The following KISS1 variants were observed in gnomAD, a reference collection of about 807,000 sequenced individuals.
KISS1 encodes metastasis-suppressor KiSS-1.
For missense variants in KISS1, 182 were observed against 182.7 expected (o/e 1.00, Z 0.02); for synonymous variants, 97 against 88.7 (o/e 1.09, Z -0.52).
chr1:204,195,504 A>G (rs1439101748), intron 1 of KISS1, among the ~76,000 whole-genome samples: 1 of 149,852 alleles, frequency 6.7e-6, no homozygotes, highest in Non-Finnish European at 1.5e-5. Flanking sequence ...ACACACACAT[A>G]CACCACACAT....
chr1:204,196,114 G>A (rs986590416), intron 1 of KISS1, among the ~76,000 whole-genome samples: 5 of 152,204 alleles, frequency 3.3e-5, no homozygotes, highest in Non-Finnish European at 7.3e-5. Flanking sequence ...TTTATTGCAT[G>A]TATTCCTTCC....
chr1:204,193,621 A>G (rs1571666477), intron 1 of KISS1, among the ~76,000 whole-genome samples: 1 of 152,276 alleles, frequency 6.6e-6, no homozygotes, highest in East Asian at 1.9e-4. Flanking sequence ...CTTATTGCCT[A>G]TCATTCATGG....
rs1020165754 is a variant in KISS1 at position 204,190,348 on chromosome 1, C to G, written c.*136G>C. 2.4e-5 allele frequency: 22 copies of G among 930,328 alleles called. No homozygotes were observed. Among genetic ancestry groups the G allele is most frequent in the Middle Eastern group, 3.1e-4 (1 of 3,196 alleles). The allele number at this position is 930,328 out of a possible 1,614,324, so 57.6% of individuals were successfully genotyped here. On this transcript the variant is annotated 3_prime_UTR_variant, in exon 3 of 3. Transcript: ENST00000367194. ...CCGCAGACCACACGTCAGTGAGTTA[C>G]GCAACATTTCTTTTATTGCCTCGGG...
intron 2 of KISS1, 133 bp from the exon 3 acceptor site, chr1:204,190,930 C>A: frequency 1.4e-6 from 1 of 707,304 alleles, no homozygotes; most frequent in Non-Finnish European, 2.4e-6. Flanking sequence ...GCCATGCGAA[C>A]CAGCACGATC....
chr1:204,195,216 C>CAT (rs1658818914), intron 1 of KISS1, among the ~76,000 whole-genome samples: 1 of 8,288 alleles, frequency 1.2e-4, no homozygotes, highest in African/African-American at 5.2e-4. Context: ...TATATACGCA[C>CAT]ACACCCATAC....
In KISS1 at chr1:204,192,395, T is replaced by TG. The variant is rs1218424138; in HGVS notation, c.103+378_103+379insC. 1.3e-5 allele frequency among the ~76,000 whole-genome samples: 2 copies of TG among 151,676 alleles called. No homozygotes were observed. Among genetic ancestry groups the TG allele is most frequent in the South Asian group, 2.1e-4 (1 of 4,796 alleles). ...AAATATCTGCCCTTTGGTTTAGGTTTTTTTTTTTTTCCAAATTCTCCACAA... is the reference window on the plus strand; with the variant it reads ...AAATATCTGCCCTTTGGTTTAGGTTTGTTTTTTTTTTCCAAATTCTCCACAA... On this transcript the variant is annotated intron_variant, in intron 2 of 2. Coordinates refer to ENST00000367194, the MANE Select transcript of KISS1 (RefSeq NM_002256.4). This position sits in a 1 kb window ranked among gnomAD's most constrained non-coding sequence, Gnocchi z 4.2.
intron 2 of KISS1, 78 bp from the exon 3 acceptor site, chr1:204,190,875 A>G (rs1658732297): frequency 3.2e-6 from 4 of 1,251,178 alleles, no homozygotes; most frequent in Non-Finnish European, 4.5e-6. Flanking sequence ...ATCCCATCCT[A>G]TCCTTCTTTT....
Position 204,190,588 on chromosome 1 carries a change from G to T in KISS1, c.313C>A (p.Arg105=). ...TTGTAGTTCGGCAGGTCCTTCTCCC[G>T]CTGCACCAGCACCGCGCCCTGGGGT... is the stretch of plus-strand genomic sequence containing the variant. The part of the protein sequence containing the change: ...PAPQGAVLVQ[R]EKDLPNYNWN... The change falls in exon 3 of 3, where the codon CGG becomes AGG. Residue 105 remains arginine (R), a synonymous_variant. Coordinates refer to ENST00000367194, the MANE Select transcript of KISS1 (RefSeq NM_002256.4). The T allele has an allele frequency of 6.3e-7, 1 of 1,599,588 alleles. No individual in the cohort carries two copies. Among genetic ancestry groups the T allele is most frequent in the Non-Finnish European group, 8.5e-7 (1 of 1,173,564 alleles).
intron 1 of KISS1, among the ~76,000 whole-genome samples, chr1:204,195,291 CACATACACCCATACACACACATACACAT>C (rs1658829039): frequency 4.9e-5 from 6 of 123,068 alleles, no homozygotes; most frequent in South Asian, 5.6e-4. Context: ...ACACACCACA[CACATACACCCATACACACACATACACAT>C]ATGCCACACA....
chr1:204,195,212 C>CACCACACACACCACACAT (rs1558254567), intron 1 of KISS1, among the ~76,000 whole-genome samples: 1 of 1,608 alleles, frequency 6.2e-4, no homozygotes, highest in Non-Finnish European at 1.3e-3. Flanking sequence ...CACATATATA[C>CACCACACACACCACACAT]GCACACACCC....
intron 1 of KISS1, among the ~76,000 whole-genome samples, chr1:204,194,869 G>C (rs1353903562): frequency 6.6e-6 from 1 of 152,104 alleles, no homozygotes; most frequent in African/African-American, 2.4e-5. Flanking sequence ...TTTGCATGGA[G>C]AGAAAGCTAG....
Position 204,190,356 on chromosome 1 carries a change from T to C in KISS1, c.*128A>G, listed in dbSNP as rs977417086. On this transcript the variant is annotated 3_prime_UTR_variant, in exon 3 of 3. Coordinates refer to ENST00000367194, the MANE Select transcript of KISS1 (RefSeq NM_002256.4). ...CACACGTCAGTGAGTTACGCAACATTTCTTTTATTGCCTCGGGTTGGAAGC... is the reference window on the plus strand; with the variant it reads ...CACACGTCAGTGAGTTACGCAACATCTCTTTTATTGCCTCGGGTTGGAAGC... The C allele has an allele frequency of 3.0e-6, 3 of 1,005,962 alleles. No individual in the cohort carries two copies. The African/African-American group carries it at 4.8e-5, about 16-fold the overall frequency. The allele number at this position is 1,005,962 out of a possible 1,614,324, so 62.3% of individuals were successfully genotyped here.
rs945422971 is a variant in KISS1 at position 204,190,483 on chromosome 1, C to T, written c.*1G>A. The T allele has an allele frequency of 1.2e-6, 2 of 1,601,574 alleles. No individual in the cohort carries two copies. Among genetic ancestry groups the T allele is most frequent in the Non-Finnish European group, 1.7e-6 (2 of 1,176,212 alleles). ...AAGTTCACTGCCCCGCACCTGCGCC[C>T]TCAGCCCCGCCCAGCGCTTCTGCCG... On this transcript the variant is annotated 3_prime_UTR_variant, in exon 3 of 3. Transcript: ENST00000367194.
rs574120347 is a variant in KISS1, at chr1:204,192,001, G to A, written c.103+773C>T. ...CGCTTGGCAAACGACACCCGGGGCC[G>A]TGTCCTCTGTGCTCTGGAAGGTCTT... On this transcript the variant is annotated intron_variant, in intron 2 of 2. Coordinates refer to ENST00000367194, the MANE Select transcript of KISS1 (RefSeq NM_002256.4). This position sits in a 1 kb window ranked among gnomAD's most constrained non-coding sequence, Gnocchi z 4.2. Among the ~76,000 whole-genome samples, 2 of 152,192 alleles carry A rather than the reference G, an allele frequency of 1.3e-5. No individual in the cohort carries two copies. Among genetic ancestry groups the A allele is most frequent in the African/African-American group, 2.4e-5 (1 of 41,450 alleles).
At chr1:204,195,464 C>T (rs1658839565) in intron 1 of KISS1, among the ~76,000 whole-genome samples, 1 of 148,718 alleles carries the variant, frequency 6.7e-6, no homozygotes, top group African/African-American at 2.5e-5. Context: ...CATACACACA[C>T]ACATACACAC....
At chr1:204,193,292 G>C (rs949711212) in intron 1 of KISS1, among the ~76,000 whole-genome samples, 2 of 152,156 alleles carry the variant, frequency 1.3e-5, no homozygotes, top group Non-Finnish European at 2.9e-5. Flanking sequence ...AAGGTGGGGT[G>C]AGATGCCATA....
intron 2 of KISS1, among the ~76,000 whole-genome samples, chr1:204,191,385 G>A (rs922223774): frequency 7.5e-6 from 1 of 132,526 alleles, no homozygotes; most frequent in Non-Finnish European, 1.6e-5. Flanking sequence ...GCTACATAAG[G>A]ACTCAATGAG....
chr1:204,190,909 C>T (rs764555000), intron 2 of KISS1, 112 bp from the exon 3 acceptor site: 24 of 932,004 alleles, frequency 2.6e-5, no homozygotes, highest in Non-Finnish European at 3.8e-5. Flanking sequence ...TTTGGAAGCT[C>T]GGAGCTCAGT....
Position 204,190,368 on chromosome 1 carries a change from C to T in KISS1, c.*116G>A. On this transcript the variant is annotated 3_prime_UTR_variant, in exon 3 of 3. Coordinates refer to ENST00000367194, the MANE Select transcript of KISS1 (RefSeq NM_002256.4). Reference sequence around the variant, plus strand: ...AGTTACGCAACATTTCTTTTATTGCCTCGGGTTGGAAGCTCCAGCGCCCCC... The same window carrying T: ...AGTTACGCAACATTTCTTTTATTGCTTCGGGTTGGAAGCTCCAGCGCCCCC... 2 of 1,088,884 alleles carry T rather than the reference C, an allele frequency of 1.8e-6. No homozygotes were observed. The highest frequency in any genetic ancestry group is 3.1e-5 in the African/African-American group (2 of 63,940). 67.5% of individuals were successfully genotyped at this position (1,088,884 alleles called of 1,614,324 possible).
Sources: gnomAD v4.1 joint callset for allele counts (sites outside exome capture counted in the v4.1 genomes callset) on GRCh38, gnomAD v4.1.1 for gene constraint, Gnocchi (gnomAD v3.1) non-coding constraint, MANE v1.5 for transcripts, NCBI Gene and HGNC (gene_info 2026-07-23, HGNC 2026-07-21) for gene names.